Variants in PDE11A observed in about 807,000 individuals in gnomAD.
The protein encoded by PDE11A is phosphodiesterase 11A.
In PDE11A, 100 loss-of-function variants were observed where a neutral mutation model predicts 100.5. The ratio of observed to expected loss-of-function variants is 1.00; its 90% CI spans 0.85 to 1.18. PDE11A has a LOEUF of 1.18. Ranked by LOEUF, PDE11A falls within the 50% of genes most tolerant of loss-of-function variation. PDE11A has a pLI of 0.00. For missense variants in PDE11A, 1,141 were observed against 1,152.6 expected (o/e 0.99, Z 0.15); for synonymous variants, 381 against 420.8 (o/e 0.91, Z 1.16).
intron 19 of PDE11A, among the ~76,000 whole-genome samples, chr2:177,646,640 A>G (rs10497492): frequency 6.6e-6 from 1 of 152,224 alleles, no homozygotes; most frequent in Non-Finnish European, 1.5e-5. Flanking sequence ...AACAATGGGT[A>G]TCTCACACCT....
chr2:177,879,669 A>T (rs1051906289), intron 4 of PDE11A, among the ~76,000 whole-genome samples: 1 of 152,162 alleles, frequency 6.6e-6, no homozygotes, highest in Non-Finnish European at 1.5e-5. Flanking sequence ...GAAAATAAAG[A>T]TCTTTTAAAA....
At chr2:177,732,288 TGA>T (rs1242501827) in intron 10 of PDE11A, among the ~76,000 whole-genome samples, 1 of 152,216 alleles carries the variant, frequency 6.6e-6, no homozygotes, top group African/African-American at 2.4e-5. Context: ...ATCATGTGTT[TGA>T]GGGTTTGTAA....
intron 2 of PDE11A, among the ~76,000 whole-genome samples, chr2:178,012,815 A>C (rs553532074): frequency 6.6e-6 from 1 of 152,308 alleles, no homozygotes; most frequent in Admixed American, 6.5e-5. Context: ...GTACAAACTG[A>C]ACTGTTAGGG....
At chr2:177,771,185 T>C (rs2082306491) in intron 9 of PDE11A, among the ~76,000 whole-genome samples, 1 of 152,220 alleles carries the variant, frequency 6.6e-6, no homozygotes. Flanking sequence ...GCTAACTCCT[T>C]CTTCACCTAC....
chr2:177,841,509 A>T (rs899654374), intron 5 of PDE11A, among the ~76,000 whole-genome samples: 4 of 152,212 alleles, frequency 2.6e-5, no homozygotes, highest in Non-Finnish European at 5.9e-5. Flanking sequence ...AAATGTGCAC[A>T]TCGTCTTTGT....
chr2:178,075,551 CAAAAAAAAA>C (rs397756518), upstream of PDE11A, among the ~76,000 whole-genome samples: 1 of 47,854 alleles, frequency 2.1e-5, no homozygotes. Context: ...GACTCTGTCT[CAAAAAAAAA>C]AAAAAAAAAA....
At chr2:177,787,898 A>G (rs908617064) in intron 9 of PDE11A, among the ~76,000 whole-genome samples, 11 of 152,264 alleles carry the variant, frequency 7.2e-5, no homozygotes, top group African/African-American at 2.4e-4. Context: ...CAAGTCCTGA[A>G]TGACCTACAA....
At chr2:177,819,683 A>G (rs891277546) in intron 7 of PDE11A, among the ~76,000 whole-genome samples, 1 of 152,066 alleles carries the variant, frequency 6.6e-6, no homozygotes, top group African/African-American at 2.4e-5. Flanking sequence ...CATGCTCAGT[A>G]TATGTCCAAT....
At chr2:177,952,493 A>G (rs565549490) in intron 2 of PDE11A, among the ~76,000 whole-genome samples, 70 of 152,308 alleles carry the variant, frequency 4.6e-4, no homozygotes, top group African/African-American at 1.7e-3. Context: ...AATTCATCCT[A>G]TAGTAACTCC....
intron 4 of PDE11A, among the ~76,000 whole-genome samples, chr2:177,892,880 A>G (rs2084552248): frequency 1.3e-5 from 2 of 152,214 alleles, no homozygotes; most frequent in Admixed American, 6.5e-5. Flanking sequence ...CTGCCAGGAA[A>G]TGGGAAAAGT....
At chr2:177,706,457 A>C (rs1183333601) in intron 13 of PDE11A, among the ~76,000 whole-genome samples, 1 of 152,204 alleles carries the variant, frequency 6.6e-6, no homozygotes, top group East Asian at 1.9e-4. Context: ...ACTGGGAAAT[A>C]AAAAACAAGA....
chr2:177,973,073 G>C (rs2085792935), intron 2 of PDE11A, among the ~76,000 whole-genome samples: 1 of 152,134 alleles, frequency 6.6e-6, no homozygotes, highest in Non-Finnish European at 1.5e-5. Context: ...AAATGGCTGA[G>C]GGAGGAGGAG....
In PDE11A at chr2:177,818,005, CTA is replaced by C. The variant is rs2083071714; in HGVS notation, c.1577-82_1577-81del. 48 of 769,790 alleles carry C rather than the reference CTA, an allele frequency of 6.2e-5. 2 individuals carry two copies. In the South Asian group the frequency reaches 6.4e-4, roughly 10 times the overall value. 47.7% of individuals were successfully genotyped at this position (769,790 alleles called of 1,614,324 possible). ...TCTAATAGAGTAGCCACAGCTAACT[CTA>C]TGCCTTTTTTAAGGAACTGCACTCA... On this transcript the variant is annotated intron_variant, in intron 7 of 19. Transcript: ENST00000286063.
intron 5 of PDE11A, among the ~76,000 whole-genome samples, chr2:177,851,441 C>G (rs1291831484): frequency 6.6e-6 from 1 of 151,816 alleles, no homozygotes; most frequent in African/African-American, 2.4e-5. Context: ...TGCTAAATTA[C>G]GAGTTAATGG....
At chr2:177,979,091 A>AGAAAG (rs1351322132) in intron 2 of PDE11A, among the ~76,000 whole-genome samples, 6 of 142,812 alleles carry the variant, frequency 4.2e-5, no homozygotes, top group African/African-American at 1.6e-4. Context: ...AAAAAAAAAA[A>AGAAAG]AAAGAAAGAA....
chr2:177,918,091 A>T (rs1397671937), intron 2 of PDE11A, among the ~76,000 whole-genome samples: 1 of 152,236 alleles, frequency 6.6e-6, no homozygotes, highest in Non-Finnish European at 1.5e-5. Flanking sequence ...AAAGAGCTTT[A>T]AAGTTTGGCC....
intron 2 of PDE11A, chr2:177,921,686 C>T (rs945850648): frequency 6.6e-6 from 1 of 152,112 alleles, no homozygotes; most frequent in Non-Finnish European, 1.5e-5. Flanking sequence ...TTCTTCCAGA[C>T]CCACATACTA....
At chr2:177,771,562 C>A (rs561272870) in intron 9 of PDE11A, among the ~76,000 whole-genome samples, 5 of 152,252 alleles carry the variant, frequency 3.3e-5, no homozygotes, top group Admixed American at 6.5e-5. Flanking sequence ...ACAGGCATCT[C>A]CTGCTTAACG....
intron 1 of PDE11A, among the ~76,000 whole-genome samples, chr2:178,055,418 A>C (rs1223010991): frequency 6.6e-6 from 1 of 152,218 alleles, no homozygotes; most frequent in Non-Finnish European, 1.5e-5. Flanking sequence ...TAACGGGTGC[A>C]GCACACCAAC....
Sources: gnomAD v4.1 joint callset for allele counts (sites outside exome capture counted in the v4.1 genomes callset) on GRCh38, gnomAD v4.1.1 for gene constraint, MANE v1.5 for transcripts, NCBI Gene and HGNC (gene_info 2026-07-23, HGNC 2026-07-21) for gene names.